The following SUPT3H variants were observed in gnomAD, a reference collection of about 807,000 sequenced individuals.
The protein encoded by SUPT3H is SPT3 homolog, SAGA and STAGA complex component, also known as transcription initiation protein SPT3 homolog.
SUPT3H carries 44 observed loss-of-function variants against 44.3 expected under a neutral mutation model. The ratio of observed to expected loss-of-function variants is 0.99; its 90% confidence interval spans 0.78 to 1.28. The LOEUF (loss-of-function observed/expected upper bound fraction) is 1.28. Among genes scored for constraint, SUPT3H ranks in the 50% most tolerant of loss-of-function variants. The pLI is 0.00. For synonymous variants in SUPT3H, 124 were observed against 125.6 expected, an observed-to-expected ratio of 0.99 and a Z score of 0.09; for missense variants, 380 against 387.1, an observed-to-expected ratio of 0.98 and a Z score of 0.15.
chr6:44,888,518 A>G (rs1257047880), intron 10 of SUPT3H, among the ~76,000 whole-genome samples: 1 of 152,212 alleles, frequency 6.6e-6, no homozygotes, highest in African/African-American at 2.4e-5. Context: ...CAAAAACCAC[A>G]TGATTACCTC....
intron 2 of SUPT3H, among the ~76,000 whole-genome samples, chr6:45,248,956 G>A (rs1228194630): frequency 1.3e-5 from 2 of 151,182 alleles, no homozygotes; most frequent in African/African-American, 2.4e-5. Context: ...TGATGGCAAT[G>A]CGAAATACAA....
intron 2 of SUPT3H, among the ~76,000 whole-genome samples, chr6:45,209,587 G>A (rs1397493772): frequency 1.3e-5 from 2 of 152,232 alleles, no homozygotes; most frequent in African/African-American, 4.8e-5. Flanking sequence ...GCAATGAGGA[G>A]TTGCTTCTTA....
intron 2 of SUPT3H, among the ~76,000 whole-genome samples, chr6:45,172,452 G>A (rs890069921): frequency 2.0e-5 from 3 of 151,876 alleles, no homozygotes; most frequent in Non-Finnish European, 4.4e-5. Flanking sequence ...ATCTCAGAGC[G>A]TAAACTCTTT....
At chr6:45,206,614 G>A (rs1763255523) in intron 2 of SUPT3H, among the ~76,000 whole-genome samples, 1 of 152,064 alleles carries the variant, frequency 6.6e-6, no homozygotes, top group African/African-American at 2.4e-5. Context: ...CAAGGGGCAG[G>A]GGGTAGAAAT....
intron 9 of SUPT3H, among the ~76,000 whole-genome samples, chr6:44,946,945 C>T (rs1260761714): frequency 2.0e-5 from 3 of 152,100 alleles, no homozygotes; most frequent in Admixed American, 2.0e-4. Flanking sequence ...ACACTGTTGT[C>T]CTATCTTAAG....
intron 2 of SUPT3H, among the ~76,000 whole-genome samples, chr6:45,339,827 T>C (rs1324310782): frequency 6.6e-6 from 1 of 152,222 alleles, no homozygotes; most frequent in Non-Finnish European, 1.5e-5. Flanking sequence ...CTATAATTTT[T>C]ATAGAGTATA....
chr6:45,217,360 A>G (rs1765229264), intron 2 of SUPT3H, among the ~76,000 whole-genome samples: 1 of 152,048 alleles, frequency 6.6e-6, no homozygotes. Context: ...CTGTAATCCC[A>G]GCTACTCAGG....
rs569861760 is a variant in SUPT3H at position 45,066,239 on chromosome 6, A to G, written c.186+39683T>C. Among the ~76,000 whole-genome samples the G allele has an allele frequency of 1.9e-4, 29 of 152,170 alleles. 1 individual carries two copies. In the East Asian group the frequency reaches 5.4e-3, roughly 28 times the overall value. On this transcript the variant is annotated intron_variant, in intron 3 of 10. Transcript: ENST00000371459. ...TGATTATCTCAATAGGTGCAGAAAA[A>G]GCCTTTGACAAAATTCAACAACTCC...
chr6:44,908,497 T>G (rs1766483331), intron 10 of SUPT3H, among the ~76,000 whole-genome samples: 1 of 152,148 alleles, frequency 6.6e-6, no homozygotes, highest in Non-Finnish European at 1.5e-5. Flanking sequence ...GAATCTCAAT[T>G]CTAAACAGAA....
intron 2 of SUPT3H, among the ~76,000 whole-genome samples, chr6:45,115,773 A>G (rs1800755118): frequency 6.6e-6 from 1 of 152,198 alleles, no homozygotes; most frequent in South Asian, 2.1e-4. Context: ...CATTCAACGA[A>G]TATTTATTGA....
At chr6:45,372,591 T>C (rs562698634) in intron 1 of SUPT3H, among the ~76,000 whole-genome samples, 5 of 152,328 alleles carry the variant, frequency 3.3e-5, no homozygotes, top group African/African-American at 1.2e-4. Flanking sequence ...ACATAAATTG[T>C]TTCAATTTAC....
rs144909117 is a variant in SUPT3H, at chr6:44,954,540, G to A, written c.648C>T (p.Val216=). 6.2e-7 allele frequency: 1 copy of A among 1,614,016 alleles called. No homozygotes were observed. The highest frequency in any genetic ancestry group is 8.5e-7 in the Non-Finnish European group (1 of 1,180,002). The change falls in exon 8 of 11, where the codon GTC becomes GTT. Residue 216 remains valine (V), a synonymous_variant. Transcript: ENST00000371459. ...CTAAATATGCTAAGATTTCCATTGC[G>A]ACAACATTGGGTTTTATCTCCATAC... The part of the protein sequence containing the change: ...CSSMEIKPNV[V]AMEILAYLAY...
chr6:45,329,667 T>C (rs1787065228), intron 2 of SUPT3H, among the ~76,000 whole-genome samples: 1 of 151,978 alleles, frequency 6.6e-6, no homozygotes, highest in Non-Finnish European at 1.5e-5. Context: ...ATACCCTGTA[T>C]GATTTTTAAA....
chr6:45,258,805 T>G (rs1398478697), intron 2 of SUPT3H, among the ~76,000 whole-genome samples: 1 of 152,154 alleles, frequency 6.6e-6, no homozygotes, highest in African/African-American at 2.4e-5. Context: ...AATTTAAAGC[T>G]GAAAAACAGC....
intron 2 of SUPT3H, among the ~76,000 whole-genome samples, chr6:45,359,099 T>A (rs1465919864): frequency 1.3e-5 from 2 of 152,140 alleles, no homozygotes; most frequent in Non-Finnish European, 2.9e-5. Flanking sequence ...ACACATATAA[T>A]CCTAAACTGA....
At chr6:45,182,763 C>T (rs1021999469) in intron 2 of SUPT3H, among the ~76,000 whole-genome samples, 1 of 152,150 alleles carries the variant, frequency 6.6e-6, no homozygotes, top group Non-Finnish European at 1.5e-5. Context: ...AAGCCATACA[C>T]ACAGAAACAC....
At chr6:45,129,545 C>T (rs954091255) in intron 2 of SUPT3H, among the ~76,000 whole-genome samples, 7 of 152,072 alleles carry the variant, frequency 4.6e-5, no homozygotes, top group East Asian at 3.9e-4. Flanking sequence ...GAAAGTTCAC[C>T]GTCCTAGATA....
chr6:44,932,484 G>C (rs1770736009), intron 10 of SUPT3H, among the ~76,000 whole-genome samples, 169 bp downstream of exon 10: 1 of 152,114 alleles, frequency 6.6e-6, no homozygotes, highest in Non-Finnish European at 1.5e-5. Context: ...TCCAAAAAGA[G>C]ATGAAAATGA....
intron 2 of SUPT3H, among the ~76,000 whole-genome samples, chr6:45,253,870 T>TAC (rs1554302246): frequency 1.4e-5 from 2 of 140,668 alleles, no homozygotes; most frequent in East Asian, 2.2e-4. Context: ...TATATATATA[T>TAC]ATACACACAC....
Sources: allele counts gnomAD v4.1 joint callset (sites outside exome capture counted in the v4.1 genomes callset), GRCh38; gene constraint gnomAD v4.1.1; transcripts MANE v1.5; gene names NCBI Gene and HGNC (gene_info 2026-07-23, HGNC 2026-07-21).